STXBP5: variants seen among roughly 807,000 people sequenced by gnomAD.
STXBP5 encodes syntaxin binding protein 5.
A neutral mutation model predicts 152.4 loss-of-function variants in STXBP5; 50 were observed. The observed-to-expected ratio is 0.33, with a 90% CI of 0.26 to 0.42. The LOEUF is 0.42. Among genes scored for constraint, STXBP5 ranks in the 10% least tolerant of loss-of-function variants. STXBP5 has a pLI of 1.00. For synonymous variants in STXBP5, 492 were observed against 494.7 expected, an observed-to-expected ratio of 0.99 and a Z score of 0.07; for missense variants, 1,167 against 1,388.6, an observed-to-expected ratio of 0.84 and a Z score of 2.54.
rs374244251 is a variant in STXBP5 at position 147,302,899 on chromosome 6, A to G, written c.918-7185A>G. 9.5e-4 allele frequency among the ~76,000 whole-genome samples: 144 copies of G among 152,326 alleles called. 1 individual carries two copies. The highest frequency in any genetic ancestry group is 3.1e-3 in the South Asian group (15 of 4,826). On this transcript the variant is annotated intron_variant, in intron 9 of 27. Transcript: ENST00000321680. ...TATAATCAGGTTTTTTACATAGTAA[A>G]TACAAATATAGGAGTGAGTATGCTT...
chr6:147,211,308 C>CA (rs60677588), intron 2 of STXBP5, among the ~76,000 whole-genome samples: 4,456 of 66,650 alleles, frequency 0.067, 74 homozygotes, highest in Middle Eastern at 0.11. Flanking sequence ...GACTCTGTCT[C>CA]AAAAAAAAAA....
At chr6:147,347,895 A>G (rs1784410208) in intron 21 of STXBP5, among the ~76,000 whole-genome samples, 1 of 152,250 alleles carries the variant, frequency 6.6e-6, no homozygotes, top group Non-Finnish European at 1.5e-5. Context: ...CTCTATACAA[A>G]GGATGATATC....
intron 4 of STXBP5, among the ~76,000 whole-genome samples, chr6:147,253,260 C>T (rs1263027998): frequency 6.6e-6 from 1 of 152,128 alleles, no homozygotes; most frequent in East Asian, 1.9e-4. Flanking sequence ...ATTCAACACC[C>T]CTTCATGCTA....
At position 147,311,415 on chromosome 6, in the gene STXBP5, G is replaced by C. The variant is rs1162741216; in HGVS notation, c.1073-40G>C. 4 of 1,550,416 alleles carry C rather than the reference G, an allele frequency of 2.6e-6. No individual in the cohort carries two copies. In the East Asian group the frequency reaches 9.0e-5, roughly 35 times the overall value. ...CATTTATCTAATTTGCTGTCCACTT[G>C]CATTTTTGAAACTATAATTCATGCA... On this transcript the variant is annotated intron_variant, in intron 10 of 27. Transcript: ENST00000321680.
intron 2 of STXBP5, among the ~76,000 whole-genome samples, chr6:147,217,161 C>G (rs1001183562): frequency 6.6e-6 from 1 of 152,036 alleles, no homozygotes; most frequent in Non-Finnish European, 1.5e-5. Context: ...TATTGCAGTA[C>G]TTTCTGCTAA....
chr6:147,297,833 A>C (rs1345254449), intron 9 of STXBP5, among the ~76,000 whole-genome samples: 1 of 152,096 alleles, frequency 6.6e-6, no homozygotes, highest in Non-Finnish European at 1.5e-5. Flanking sequence ...CACTCATGAT[A>C]ACCACCAAGA....
At chr6:147,378,816 T>C (rs1785935386) in intron 26 of STXBP5, among the ~76,000 whole-genome samples, 1 of 152,162 alleles carries the variant, frequency 6.6e-6, no homozygotes, top group African/African-American at 2.4e-5. Flanking sequence ...AAATTACTAT[T>C]TGTGTAGTTT....
chr6:147,287,502 T>C (rs1043584573), intron 8 of STXBP5, among the ~76,000 whole-genome samples: 1 of 152,208 alleles, frequency 6.6e-6, no homozygotes, highest in South Asian at 2.1e-4. Flanking sequence ...GCGCCCGGCC[T>C]GTACATTTTA....
intron 2 of STXBP5, among the ~76,000 whole-genome samples, chr6:147,218,483 G>T (rs558316342): frequency 2.4e-4 from 36 of 150,476 alleles, no homozygotes; most frequent in Middle Eastern, 3.4e-3. Context: ...ATGTTTTTTG[G>T]TTTTTTTTTC....
At chr6:147,234,059 T>C (rs1778150590) in intron 2 of STXBP5, among the ~76,000 whole-genome samples, 1 of 151,520 alleles carries the variant, frequency 6.6e-6, no homozygotes, top group Non-Finnish European at 1.5e-5. Flanking sequence ...AAGGAAGAAA[T>C]CATAGCCAAT....
At chr6:147,315,766 A>C in intron 15 of STXBP5, 31 bp downstream of exon 15, 1 of 1,575,300 alleles carries the variant, frequency 6.3e-7, no homozygotes, top group Non-Finnish European at 8.7e-7. Context: ...TTCATGGTCA[A>C]GTTATTTTCA....
At chr6:147,377,107 G>A (rs188284597) in intron 26 of STXBP5, among the ~76,000 whole-genome samples, 2 of 152,264 alleles carry the variant, frequency 1.3e-5, no homozygotes, top group African/African-American at 2.4e-5. Context: ...ATAAGCAGTT[G>A]TATCAATACA....
chr6:147,278,657 A>G (rs1780557846), intron 8 of STXBP5, among the ~76,000 whole-genome samples: 1 of 152,128 alleles, frequency 6.6e-6, no homozygotes, highest in Non-Finnish European at 1.5e-5. Flanking sequence ...ATCACCCTAG[A>G]TTTAATGATT....
chr6:147,327,425 T>C, intron 18 of STXBP5, 149 bp downstream of exon 18: 1 of 1,004,038 alleles, frequency 1.0e-6, no homozygotes, highest in South Asian at 1.9e-5. Flanking sequence ...AAGTTGTGAG[T>C]CTTATTTTTG....
chr6:147,225,624 T>A (rs1318091048), intron 2 of STXBP5, among the ~76,000 whole-genome samples: 2 of 152,218 alleles, frequency 1.3e-5, no homozygotes, highest in South Asian at 4.1e-4. Context: ...AAGTAGAGGT[T>A]GTCAGAATAT....
chr6:147,225,357 A>G lies in STXBP5; in HGVS notation c.249-9893A>G, dbSNP rs1272830050. 3.3e-5 allele frequency among the ~76,000 whole-genome samples: 5 copies of G among 152,130 alleles called. No homozygotes were observed. In the East Asian group the frequency reaches 9.6e-4, roughly 29 times the overall value. ...TTTAAACTTTGCAAGATATAAATGT[A>G]TTTCCAGAAACCTCACCGGATATCA... On this transcript the variant is annotated intron_variant, in intron 2 of 27. Transcript: ENST00000321680.
chr6:147,257,421 T>C (rs751702331), intron 4 of STXBP5, among the ~76,000 whole-genome samples: 1 of 151,898 alleles, frequency 6.6e-6, no homozygotes, highest in Non-Finnish European at 1.5e-5. Context: ...GTTTCAACTA[T>C]ATATATTATT....
At chr6:147,265,330 C>T (rs990741152) in intron 6 of STXBP5, among the ~76,000 whole-genome samples, 1 of 152,088 alleles carries the variant, frequency 6.6e-6, no homozygotes, top group Admixed American at 6.6e-5. Context: ...ATTAAAATTA[C>T]TGGTTCTGCC....
intron 26 of STXBP5, among the ~76,000 whole-genome samples, chr6:147,379,276 G>A (rs1785959399): frequency 6.6e-6 from 1 of 152,052 alleles, no homozygotes; most frequent in South Asian, 2.1e-4. Context: ...AGCCATCTAT[G>A]GGGGAAGGGA....
Sources: allele counts gnomAD v4.1 joint callset (sites outside exome capture counted in the v4.1 genomes callset), GRCh38; gene constraint gnomAD v4.1.1; transcripts MANE v1.5; gene names NCBI Gene and HGNC (gene_info 2026-07-23, HGNC 2026-07-21).